Variants in SIDT1 observed in about 807,000 individuals in gnomAD.
SIDT1 encodes the protein SID1 transmembrane family, member 1.
A neutral mutation model predicts 107.5 loss-of-function variants in SIDT1; 101 were observed. That is an observed-to-expected ratio of 0.94 (90% CI 0.80 to 1.11). The LOEUF is 1.11. Among genes scored for constraint, SIDT1 ranks in the 50% least tolerant of loss-of-function variants. SIDT1 has a pLI of 0.00. For synonymous variants in SIDT1, 395 were observed against 398.2 expected (o/e 0.99, Z 0.10); for missense variants, 1,076 against 1,058.2 (o/e 1.02, Z -0.23).
At chr3:113,545,854 T>C (rs1433207276) in intron 1 of SIDT1, among the ~76,000 whole-genome samples, 1 of 152,234 alleles carries the variant, frequency 6.6e-6, no homozygotes, top group Non-Finnish European at 1.5e-5. Flanking sequence ...ACTCAAGTCA[T>C]GGACTGTTGA....
chr3:113,612,104 G>C lies in SIDT1; in HGVS notation c.1876G>C (p.Val626Leu), dbSNP rs199720714. The change falls in exon 19 of 25, where the codon GTA (valine) becomes CTA (leucine). Residue 626 changes from valine (V) to leucine (L), a missense_variant. Physicochemically the swap from Val to Leu is conservative, Grantham distance 32 (BLOSUM62 1). Transcript: ENST00000264852. Reference sequence around the variant, plus strand: ...CTCCTAGGTGTTTGGAAAAAATGACGTATGGTTCTGGGTCATCTTCTCTGC... The same window carrying C: ...CTCCTAGGTGTTTGGAAAAAATGACCTATGGTTCTGGGTCATCTTCTCTGC... ...VLGVVFGKND[V>L]WFWVIFSAIH... The C allele has an allele frequency of 1.9e-6, 3 of 1,613,890 alleles. No individual in the cohort carries two copies. The African/African-American group carries it at 4.0e-5, about 22-fold the overall frequency.
At chr3:113,595,629 ACT>A (rs886330959) in intron 10 of SIDT1, among the ~76,000 whole-genome samples, 2 of 152,104 alleles carry the variant, frequency 1.3e-5, no homozygotes, top group Admixed American at 1.3e-4. Flanking sequence ...TGGGGGCAAA[ACT>A]CTTTCCCCAC....
intron 10 of SIDT1, among the ~76,000 whole-genome samples, chr3:113,596,958 G>A (rs1194635888): frequency 6.6e-6 from 1 of 152,212 alleles, no homozygotes; most frequent in Non-Finnish European, 1.5e-5. Context: ...AGATCTGGTG[G>A]AGATAAGACA....
chr3:113,564,554 G>A (rs190066429), intron 1 of SIDT1, among the ~76,000 whole-genome samples: 1 of 152,318 alleles, frequency 6.6e-6, no homozygotes, highest in East Asian at 1.9e-4. Flanking sequence ...GTCACTGGGG[G>A]CGGAGGGGAG....
chr3:113,544,169 CTTTT>C (rs1376002341), intron 1 of SIDT1, among the ~76,000 whole-genome samples: 2 of 140,990 alleles, frequency 1.4e-5, no homozygotes, highest in Non-Finnish European at 3.0e-5. Context: ...TATCATGAGT[CTTTT>C]TGTTTGTTTG....
chr3:113,560,143 C>G (rs1941292548), intron 1 of SIDT1, among the ~76,000 whole-genome samples: 3 of 152,236 alleles, frequency 2.0e-5, no homozygotes, highest in Admixed American at 2.0e-4. Flanking sequence ...TAGATGGTCT[C>G]CCTAAGCGCC....
At chr3:113,583,653 A>C (rs759141766) in intron 7 of SIDT1, among the ~76,000 whole-genome samples, 157 bp downstream of exon 7, 1 of 152,216 alleles carries the variant, frequency 6.6e-6, no homozygotes, top group Non-Finnish European at 1.5e-5. Context: ...AAAAAAACGA[A>C]AGATAGAAAG....
At chr3:113,630,463 G>A (rs557717348), downstream of SIDT1, among the ~76,000 whole-genome samples, 8 of 152,154 alleles carry the variant, frequency 5.3e-5, no homozygotes, top group East Asian at 1.9e-4. Context: ...CCAGCTCCTC[G>A]GGGCAAAGAA....
At chr3:113,551,273 T>C (rs1413911185) in intron 1 of SIDT1, among the ~76,000 whole-genome samples, 1 of 152,210 alleles carries the variant, frequency 6.6e-6, no homozygotes, top group Non-Finnish European at 1.5e-5. Context: ...CCTTTGGGCA[T>C]ATACCCAGTA....
At chr3:113,619,072 G>C (rs1016218802) in intron 20 of SIDT1, among the ~76,000 whole-genome samples, 4 of 152,094 alleles carry the variant, frequency 2.6e-5, no homozygotes, top group African/African-American at 9.7e-5. Flanking sequence ...TAATCTGCCC[G>C]CCTTAGCCTC....
intron 1 of SIDT1, among the ~76,000 whole-genome samples, chr3:113,562,584 C>A (rs2107308056): frequency 6.6e-6 from 1 of 152,240 alleles, no homozygotes; most frequent in South Asian, 2.1e-4. Flanking sequence ...AATGAACCTT[C>A]AAAACATTAT....
intron 6 of SIDT1, 200 bp downstream of exon 6, chr3:113,581,644 G>A (rs548646553): frequency 6.5e-5 from 34 of 523,496 alleles, no homozygotes; most frequent in African/African-American, 2.5e-4. Flanking sequence ...AGGCCAAGGC[G>A]AGCGGATCAC....
Position 113,611,019 on chromosome 3 carries a change from A to G in SIDT1, c.1732A>G (p.Met578Val). ...CTTTGGGTCCTCAGACACCTCCTTCATGTACATGATCGCTGGCCTGTGCAT... is the reference window on the plus strand; with the variant it reads ...CTTTGGGTCCTCAGACACCTCCTTCGTGTACATGATCGCTGGCCTGTGCAT... Reference protein sequence around the residue: ...YSNFQFDTSFMYMIAGLCMLK... With the variant: ...YSNFQFDTSFVYMIAGLCMLK... The change falls in exon 18 of 25, where the codon ATG becomes GTG. Residue 578 changes from methionine (M) to valine (V), a missense_variant. By Grantham distance (21) the Met-to-Val change is conservative. Coordinates refer to ENST00000264852, the MANE Select transcript of SIDT1 (RefSeq NM_017699.3). 1 of 1,613,848 alleles carries G rather than the reference A, an allele frequency of 6.2e-7. No individual in the cohort carries two copies.
chr3:113,569,190 T>A (rs1340636041), intron 3 of SIDT1, among the ~76,000 whole-genome samples: 4 of 151,400 alleles, frequency 2.6e-5, no homozygotes, highest in Non-Finnish European at 5.9e-5. Context: ...GTATGCTATT[T>A]TATTCCATTT....
intron 1 of SIDT1, among the ~76,000 whole-genome samples, chr3:113,558,131 T>A (rs1941074630): frequency 6.6e-6 from 1 of 152,190 alleles, no homozygotes; most frequent in Non-Finnish European, 1.5e-5. Flanking sequence ...AATGAGAATA[T>A]GTTTTGGGTT....
intron 6 of SIDT1, 133 bp downstream of exon 6, chr3:113,581,577 A>G: frequency 1.3e-6 from 1 of 741,568 alleles, no homozygotes. Flanking sequence ...ATTGGTTTAA[A>G]AACTAATATG....
intron 3 of SIDT1, among the ~76,000 whole-genome samples, chr3:113,570,860 C>T (rs532901970): frequency 2.0e-5 from 3 of 152,182 alleles, no homozygotes; most frequent in African/African-American, 7.2e-5. Flanking sequence ...TAGAATCATA[C>T]ATTTTAAGAA....
chr3:113,543,043 C>A (rs892992104), intron 1 of SIDT1, among the ~76,000 whole-genome samples: 1 of 151,818 alleles, frequency 6.6e-6, no homozygotes, highest in East Asian at 1.9e-4. Flanking sequence ...CAGGTTCAAG[C>A]GATTCTCCTG....
intron 1 of SIDT1, among the ~76,000 whole-genome samples, chr3:113,537,327 A>G (rs1281211415): frequency 6.6e-6 from 1 of 152,236 alleles, no homozygotes; most frequent in Non-Finnish European, 1.5e-5. Context: ...ACCTAGAACC[A>G]GTTAAACCAG....
Sources: allele counts gnomAD v4.1 joint callset (sites outside exome capture counted in the v4.1 genomes callset), GRCh38; gene constraint gnomAD v4.1.1; transcripts MANE v1.5; gene names NCBI Gene and HGNC (gene_info 2026-07-23, HGNC 2026-07-21).